The following UNC79 variants were observed in gnomAD, a reference collection of about 807,000 sequenced individuals.
UNC79 encodes the protein unc-79 subunit of NALCN channel complex, also known as protein unc-79 homolog.
In UNC79, 37 loss-of-function variants were observed where a neutral mutation model predicts 283.1. The ratio of observed to expected loss-of-function variants is 0.13; its 90% CI spans 0.10 to 0.17. The LOEUF is 0.17. UNC79 is among the 10% of genes least tolerant of loss of function. UNC79 has a pLI of 1.00. For missense variants in UNC79, 2,272 were observed against 3,211.1 expected, an observed-to-expected ratio of 0.71 and a Z score of 7.07; for synonymous variants, 1,107 against 1,200.2, an observed-to-expected ratio of 0.92 and a Z score of 1.61.
intron 11 of UNC79, among the ~76,000 whole-genome samples, chr14:93,536,065 C>A (rs1394018810): frequency 6.6e-6 from 1 of 152,106 alleles, no homozygotes; most frequent in East Asian, 1.9e-4. Flanking sequence ...AAGTATTCTT[C>A]CTTTTGCTTT....
At chr14:93,402,242 A>G (rs894623573) in intron 1 of UNC79, among the ~76,000 whole-genome samples, 2 of 137,218 alleles carry the variant, frequency 1.5e-5, no homozygotes, top group African/African-American at 2.8e-5. Flanking sequence ...GCACCACTGC[A>G]TTCCAGCCTG....
In UNC79 at chr14:93,639,237, TATC is replaced by T. The variant is rs545157823; in HGVS notation, c.5801-1902_5801-1900del. Among the ~76,000 whole-genome samples, 146 of 152,358 alleles carry T rather than the reference TATC, an allele frequency of 9.6e-4. 4 individuals are homozygous for T. Among genetic ancestry groups the T allele is most frequent in the Admixed American group, 7.7e-3 (118 of 15,298 alleles). ...TATGTTTCTAGTAAGTCTATGTATG[TATC>T]ATCATATATTGTATGGGCTGAATTT... On this transcript the variant is annotated intron_variant, in intron 32 of 48. Coordinates refer to ENST00000555664, the Ensembl canonical transcript of UNC79.
rs192112824 is a variant in UNC79, at chr14:93,355,535, G to A, written c.-351+22012G>A. Among the ~76,000 whole-genome samples the A allele has an allele frequency of 5.0e-3, 757 of 152,238 alleles. 5 individuals are homozygous for A. Among genetic ancestry groups the A allele is most frequent in the African/African-American group, 0.017 (709 of 41,530 alleles). ...TTTAGTAGAGATGAGGTTTCACCAT[G>A]TTGGCCAGGGTGGTCTCGACCTCCT... On this transcript the variant is annotated intron_variant, in intron 1 of 49. Coordinates refer to the UNC79 transcript ENST00000256339.
chr14:93,391,358 C>T (rs1036509596), intron 1 of UNC79, among the ~76,000 whole-genome samples: 4 of 152,124 alleles, frequency 2.6e-5, no homozygotes, highest in African/African-American at 9.7e-5. Context: ...CATGAAGGTG[C>T]ATGGCAAACA....
chr14:93,668,849 CAAAA>C (rs35266903), intron 40 of UNC79, among the ~76,000 whole-genome samples: 2 of 74,414 alleles, frequency 2.7e-5, no homozygotes, highest in African/African-American at 5.0e-5. Flanking sequence ...GTGTCCTTCA[CAAAA>C]AAAAAAAAAA....
Position 93,578,198 on chromosome 14 carries a change from T to A in UNC79, c.2433+135T>A, listed in dbSNP as rs563502690. On this transcript the variant is annotated intron_variant, in intron 18 of 48. Coordinates refer to ENST00000555664, the Ensembl canonical transcript of UNC79. ...GCATCACCCAAGACCTTTTGCAAACTCCTTTGGAGATTTTCTAAAAAGTCT... is the reference window on the plus strand; with the variant it reads ...GCATCACCCAAGACCTTTTGCAAACACCTTTGGAGATTTTCTAAAAAGTCT... 6.8e-5 allele frequency: 55 copies of A among 807,256 alleles called. 1 individual carries two copies. The South Asian group carries it at 1.0e-3, about 15-fold the overall frequency. 50.0% of individuals were successfully genotyped at this position (807,256 alleles called of 1,614,324 possible).
At chr14:93,373,491 G>A (rs2054496601) in intron 1 of UNC79, among the ~76,000 whole-genome samples, 1 of 151,980 alleles carries the variant, frequency 6.6e-6, no homozygotes, top group Non-Finnish European at 1.5e-5. Flanking sequence ...ACATTAAAAG[G>A]ATAATAAAGG....
At chr14:93,540,759 T>C in exon 13 of UNC79, 1 of 1,613,766 alleles carries the variant, frequency 6.2e-7, no homozygotes, top group Non-Finnish European at 8.5e-7. Flanking sequence ...CCCTGGATAA[T>C]GCTGACTTTG....
At chr14:93,371,649 G>A (rs2054450027) in intron 1 of UNC79, among the ~76,000 whole-genome samples, 1 of 152,044 alleles carries the variant, frequency 6.6e-6, no homozygotes, top group Non-Finnish European at 1.5e-5. Flanking sequence ...GACCATCCTG[G>A]CTAACATGGT....
At chr14:93,593,562 C>A in intron 22 of UNC79, 118 bp from the exon 23 acceptor site, 1 of 1,239,986 alleles carries the variant, frequency 8.1e-7, no homozygotes, top group Non-Finnish European at 1.1e-6. Flanking sequence ...TGTCATTTCA[C>A]CAAAAGCACC....
intron 1 of UNC79, among the ~76,000 whole-genome samples, chr14:93,339,952 G>T (rs1424230052): frequency 1.3e-5 from 2 of 152,216 alleles, no homozygotes; most frequent in East Asian, 3.8e-4. Flanking sequence ...AAGTAATAAG[G>T]AGAATGGCCT....
At chr14:93,425,857 A>G (rs1248769794), upstream of UNC79, among the ~76,000 whole-genome samples, 2 of 152,190 alleles carry the variant, frequency 1.3e-5, no homozygotes, top group African/African-American at 4.8e-5. Context: ...AAACTTGGCT[A>G]TGTTTACATT....
rs1336768061 is a variant in UNC79 at position 93,532,670 on chromosome 14, G to A, written c.1122+92G>A. 3 of 1,518,108 alleles carry A rather than the reference G, an allele frequency of 2.0e-6. No homozygotes were observed. The Admixed American group carries it at 5.2e-5, about 26-fold the overall frequency. 94.0% of individuals were successfully genotyped at this position (1,518,108 alleles called of 1,614,324 possible). On this transcript the variant is annotated intron_variant, in intron 11 of 48. Coordinates refer to ENST00000555664, the Ensembl canonical transcript of UNC79. ...ACATCTGCCTCATTTCTGCACCGTG[G>A]TTTCCAGTATATGCATGCCATTGTA...
intron 32 of UNC79, among the ~76,000 whole-genome samples, chr14:93,637,751 C>T (rs945768730): frequency 6.6e-6 from 1 of 152,226 alleles, no homozygotes. Flanking sequence ...AGCCACCATG[C>T]CTGGCCTCTT....
intron 14 of UNC79, among the ~76,000 whole-genome samples, chr14:93,547,355 T>C (rs2061650157): frequency 6.6e-6 from 1 of 152,208 alleles, no homozygotes. Context: ...TTAATGTATC[T>C]TTTTATAGGT....
At chr14:93,406,896 G>A (rs926009283) in intron 1 of UNC79, among the ~76,000 whole-genome samples, 4 of 152,132 alleles carry the variant, frequency 2.6e-5, no homozygotes, top group Non-Finnish European at 5.9e-5. Flanking sequence ...AATTTATTCT[G>A]TTCTAGTTCT....
At chr14:93,581,771 C>T (rs1382911809) in intron 19 of UNC79, among the ~76,000 whole-genome samples, 5 of 152,140 alleles carry the variant, frequency 3.3e-5, no homozygotes, top group Non-Finnish European at 5.9e-5. Context: ...GGATTATAGG[C>T]ATGAGCCACC....
At chr14:93,455,563 C>T (rs1017669786) in intron 1 of UNC79, among the ~76,000 whole-genome samples, 1 of 151,896 alleles carries the variant, frequency 6.6e-6, no homozygotes, top group Admixed American at 6.6e-5. Context: ...TGTCTTATAT[C>T]TTCTTTACTC....
At chr14:93,692,950 A>G (rs1381120445) in intron 46 of UNC79, among the ~76,000 whole-genome samples, 1 of 152,234 alleles carries the variant, frequency 6.6e-6, no homozygotes, top group African/African-American at 2.4e-5. Context: ...ACCTGGAGGG[A>G]CACCATAATG....
Sources: allele counts gnomAD v4.1 joint callset (sites outside exome capture counted in the v4.1 genomes callset), GRCh38; gene constraint gnomAD v4.1.1; transcripts MANE v1.5; gene names NCBI Gene and HGNC (gene_info 2026-07-23, HGNC 2026-07-21).